Variants in EVL observed in about 807,000 individuals in gnomAD.
The protein encoded by EVL is Enah/Vasp-like.
EVL carries 21 observed loss-of-function variants against 59.6 expected under a neutral mutation model. That is an observed-to-expected ratio of 0.35 (90% CI 0.25 to 0.51). The LOEUF is 0.51. EVL is among the 20% of genes least tolerant of loss of function. EVL has a pLI of 0.97. For synonymous variants in EVL, 198 were observed against 203.5 expected, an observed-to-expected ratio of 0.97 and a Z score of 0.23; for missense variants, 462 against 546.6, an observed-to-expected ratio of 0.85 and a Z score of 1.54.
intron 1 of EVL, among the ~76,000 whole-genome samples, chr14:99,991,562 T>C (rs2140178302): frequency 6.6e-6 from 1 of 152,338 alleles, no homozygotes; most frequent in Non-Finnish European, 1.5e-5. Context: ...TACTATATTT[T>C]GTAAATGGAA....
At chr14:100,080,229 A>T (rs1045004689) in intron 1 of EVL, among the ~76,000 whole-genome samples, 40 of 152,204 alleles carry the variant, frequency 2.6e-4, no homozygotes, top group African/African-American at 8.9e-4. Flanking sequence ...ATGAGCTTTT[A>T]AAAAAATCTC....
At chr14:100,084,489 C>G (rs2062391189) in intron 1 of EVL, among the ~76,000 whole-genome samples, 198 bp from the exon 2 acceptor site, 1 of 152,204 alleles carries the variant, frequency 6.6e-6, no homozygotes, top group Non-Finnish European at 1.5e-5. Flanking sequence ...GGCACAGAAC[C>G]TCCTCTCCAC....
intron 1 of EVL, chr14:100,019,464 G>A (rs1174251759): frequency 7.4e-6 from 4 of 541,844 alleles, no homozygotes; most frequent in Non-Finnish European, 1.3e-5. Flanking sequence ...TGCCTCCCCT[G>A]TTAGCTGCCG....
At position 100,127,823 on chromosome 14, in the gene EVL, C is replaced by T. The variant is rs1888174583; in HGVS notation, c.488-696C>T. 1.3e-5 allele frequency among the ~76,000 whole-genome samples: 2 copies of T among 152,354 alleles called. No individual in the cohort carries two copies. Among genetic ancestry groups the T allele is most frequent in the Middle Eastern group, 6.8e-3 (2 of 294 alleles). On this transcript the variant is annotated intron_variant, in intron 5 of 13. Transcript: ENST00000392920. This position sits in a 1 kb window ranked among gnomAD's most constrained non-coding sequence, Gnocchi z 4.2. Reference sequence around the variant, plus strand: ...CGCCGTGTGCCTGCCCTTGGTAACACTTGTCAGCTTGCCACAGTCCTCCAT... The same window carrying T: ...CGCCGTGTGCCTGCCCTTGGTAACATTTGTCAGCTTGCCACAGTCCTCCAT...
At chr14:100,081,464 G>A (rs943379) in intron 1 of EVL, among the ~76,000 whole-genome samples, 91,997 of 150,154 alleles carry the variant, frequency 0.61, 31,408 homozygotes, top group Non-Finnish European at 0.75. Flanking sequence ...GGAAACCAGG[G>A]GTTTTGGTTA....
intron 8 of EVL, 74 bp downstream of exon 8, chr14:100,132,853 C>T: frequency 1.3e-6 from 2 of 1,544,226 alleles, no homozygotes; most frequent in Non-Finnish European, 1.8e-6. Flanking sequence ...TCTCTGGTCT[C>T]AGGCGAGGCC....
intron 1 of EVL, among the ~76,000 whole-genome samples, chr14:100,055,500 T>C (rs1430188776): frequency 6.6e-6 from 1 of 152,250 alleles, no homozygotes; most frequent in Non-Finnish European, 1.5e-5. Flanking sequence ...GAAAACTTTC[T>C]GAAATCTTGT....
At chr14:100,141,325 A>C (rs1889151649) in intron 12 of EVL, 79 bp downstream of exon 12, 1 of 1,525,390 alleles carries the variant, frequency 6.6e-7, no homozygotes, top group African/African-American at 1.4e-5. Flanking sequence ...CAGCATGGCC[A>C]GGCAGGCCCT....
chr14:100,115,483 T>C (rs946039658), intron 3 of EVL, among the ~76,000 whole-genome samples: 2 of 152,246 alleles, frequency 1.3e-5, no homozygotes, highest in Non-Finnish European at 2.9e-5. Context: ...GGCTGGGTGC[T>C]TCCCACTGTG....
intron 1 of EVL, among the ~76,000 whole-genome samples, chr14:99,979,084 A>G (rs767432348): frequency 5.3e-5 from 8 of 152,044 alleles, no homozygotes; most frequent in Admixed American, 5.2e-4. Context: ...CGTTTTTTGA[A>G]GGCTTACTGT....
At chr14:100,085,970 TA>T (rs1456304396) in intron 2 of EVL, among the ~76,000 whole-genome samples, 2 of 151,236 alleles carry the variant, frequency 1.3e-5, no homozygotes, top group Non-Finnish European at 3.0e-5. Context: ...TACTAAAAAA[TA>T]AAAAAAAATT....
chr14:100,105,887 A>G (rs529482016), intron 3 of EVL: 1 of 152,236 alleles, frequency 6.6e-6, no homozygotes, highest in South Asian at 2.1e-4. Context: ...AGTGTCTGAA[A>G]CTCTGCAGAA....
intron 9 of EVL, among the ~76,000 whole-genome samples, chr14:100,136,382 A>C (rs796664761): frequency 9.2e-5 from 14 of 152,356 alleles, no homozygotes; most frequent in African/African-American, 3.1e-4. Context: ...CCGACATTAC[A>C]GAGATGGCAG....
At chr14:100,017,938 T>C (rs182146135) in intron 1 of EVL, among the ~76,000 whole-genome samples, 2 of 152,362 alleles carry the variant, frequency 1.3e-5, no homozygotes, top group East Asian at 3.9e-4. Flanking sequence ...GATAACTGTA[T>C]GAAGAGTGAT....
chr14:100,109,829 G>A lies in EVL; in HGVS notation c.358+12171G>A, dbSNP rs754289856. 36 of 434,750 alleles carry A rather than the reference G, an allele frequency of 8.3e-5. No individual in the cohort carries two copies. Among genetic ancestry groups the A allele is most frequent in the Non-Finnish European group, 1.6e-4 (32 of 206,344 alleles). 26.9% of individuals were successfully genotyped at this position (434,750 alleles called of 1,614,324 possible). ...GGGCCTTCAGCTGCTGTGGCCCCGA[G>A]GTGTGCATACTGTGGAAGGAACTTC... On this transcript the variant is annotated intron_variant, in intron 3 of 13. Transcript: ENST00000392920. This position sits in a 1 kb window ranked among gnomAD's most constrained non-coding sequence, Gnocchi z 4.3.
intron 1 of EVL, among the ~76,000 whole-genome samples, chr14:99,997,167 T>G (rs1048533499): frequency 6.6e-6 from 1 of 152,246 alleles, no homozygotes; most frequent in African/African-American, 2.4e-5. Context: ...CATTCCTTTT[T>G]TTAATCACTT....
chr14:100,106,191 C>G (rs1264901718), intron 3 of EVL: 1 of 152,212 alleles, frequency 6.6e-6, no homozygotes, highest in Non-Finnish European at 1.5e-5. Context: ...CTTGCGTGTC[C>G]CACCAAAACA....
In EVL at chr14:100,137,764, C is replaced by T. The variant is rs140946044; in HGVS notation, c.1056C>T (p.Pro352=). Residue 352 remains proline (P), a synonymous_variant, in exon 11 of 14, where the codon CCC becomes CCT. Coordinates refer to ENST00000392920, the MANE Select transcript of EVL (RefSeq NM_016337.3). The part of the protein sequence containing the change: ...LSRTPSVAKS[P]EAKSPLQSQP... The stretch of plus-strand genomic sequence containing the variant: ...GAACCCCGTCTGTGGCAAAGAGCCC[C>T]GAAGCTAAGAGCCCCCTTCAGTCGC... The T allele has an allele frequency of 1.9e-5, 31 of 1,614,092 alleles. No homozygotes were observed. The African/African-American group carries it at 2.0e-4, about 10-fold the overall frequency.
chr14:100,031,182 C>G (rs1003997202), intron 1 of EVL, among the ~76,000 whole-genome samples: 21 of 152,174 alleles, frequency 1.4e-4, no homozygotes, highest in Admixed American at 3.9e-4. Context: ...CCATTGCAAT[C>G]TAAAGACAGG....
Sources: gnomAD v4.1 joint callset for allele counts (sites outside exome capture counted in the v4.1 genomes callset) on GRCh38, gnomAD v4.1.1 for gene constraint, Gnocchi (gnomAD v3.1) non-coding constraint, MANE v1.5 for transcripts, NCBI Gene and HGNC (gene_info 2026-07-23, HGNC 2026-07-21) for gene names.